The following NMD3 variants were observed in gnomAD, a reference collection of about 807,000 sequenced individuals.
The protein encoded by NMD3 is 60S ribosomal export protein NMD3.
A neutral mutation model predicts 73.1 loss-of-function variants in NMD3; 47 were observed. The ratio of observed to expected loss-of-function variants is 0.64; its 90% CI spans 0.51 to 0.82. The LOEUF is 0.82. NMD3 is among the 40% of genes least tolerant of loss of function. NMD3 has a pLI of 0.00. For missense variants in NMD3, 554 were observed against 612.5 expected, an observed-to-expected ratio of 0.90 and a Z score of 1.01; for synonymous variants, 210 against 194.5, an observed-to-expected ratio of 1.08 and a Z score of -0.66.
At chr3:161,248,903 T>C (rs1050628639) in intron 13 of NMD3, among the ~76,000 whole-genome samples, 1 of 152,188 alleles carries the variant, frequency 6.6e-6, no homozygotes, top group Non-Finnish European at 1.5e-5. Context: ...AAATTAGGAA[T>C]TAACAGCGTG....
intron 8 of NMD3, 124 bp downstream of exon 8, chr3:161,238,315 C>A: frequency 1.4e-6 from 1 of 690,192 alleles, no homozygotes; most frequent in Non-Finnish European, 2.5e-6. Flanking sequence ...CTTACACAAT[C>A]AGGAAGCATA....
chr3:161,242,685 T>C, intron 11 of NMD3, 32 bp downstream of exon 11: 1 of 1,591,192 alleles, frequency 6.3e-7, no homozygotes, highest in Non-Finnish European at 8.6e-7. Context: ...AGTGTATTTT[T>C]TTTTCCCCTC....
At chr3:161,221,926 A>G in intron 1 of NMD3, 68 bp from the exon 2 acceptor site, 2 of 975,188 alleles carry the variant, frequency 2.1e-6, no homozygotes, top group Non-Finnish European at 1.5e-6. Flanking sequence ...AAAAGAGGAG[A>G]CTAGGTAAAG....
At chr3:161,242,411 TC>T in intron 10 of NMD3, 96 bp from the exon 11 acceptor site, 1 of 1,139,146 alleles carries the variant, frequency 8.8e-7, no homozygotes, top group South Asian at 1.5e-5. Flanking sequence ...ACCTGCCACT[TC>T]CCAGTTGGTA....
At position 161,246,377 on chromosome 3, in the gene NMD3, G is replaced by C. The variant is rs1737204545; in HGVS notation, c.1059G>C (p.Met353Ile). The C allele has an allele frequency of 9.9e-6, 15 of 1,517,172 alleles. No homozygotes were observed. The East Asian group carries it at 3.2e-4, about 32-fold the overall frequency. The allele number at this position is 1,517,172 out of a possible 1,614,324, so 94.0% of individuals were successfully genotyped here. The change falls in exon 12 of 16, where the codon ATG becomes ATC. Residue 353 changes from methionine to isoleucine, a missense_variant. Met to Ile is a conservative substitution (Grantham distance 10). Transcript: ENST00000351193. Reference sequence around the variant, plus strand: ...TCTGGGTACAGAAGACATCTGAAATGAATACAGATAAACAGTATTTTTGTC... The same window carrying C: ...TCTGGGTACAGAAGACATCTGAAATCAATACAGATAAACAGTATTTTTGTC... Reference protein sequence around the residue: ...GEVWVQKTSEMNTDKQYFCRT... With the variant: ...GEVWVQKTSEINTDKQYFCRT...
At chr3:161,249,640 G>A in intron 14 of NMD3, 80 bp downstream of exon 14, 1 of 871,544 alleles carries the variant, frequency 1.1e-6, no homozygotes, top group South Asian at 1.4e-5. Context: ...TAAAGAAATA[G>A]GCATCACACA....
Position 161,246,439 on chromosome 3 carries a change from TG to T in NMD3, c.1123del (p.Val375CysfsTer2). The T allele has an allele frequency of 6.9e-7, 1 of 1,440,238 alleles. No individual in the cohort carries two copies. Among genetic ancestry groups the T allele is most frequent in the Non-Finnish European group, 9.6e-7 (1 of 1,042,900 alleles). The allele number at this position is 1,440,238 out of a possible 1,614,324, so 89.2% of individuals were successfully genotyped here. A position where few individuals can be genotyped will look rare whatever the true frequency, so the allele number is the denominator to read the frequency against. Reference sequence around the variant, plus strand: ...GGACATCTTCTAAATCCCGGAGACCTGGTGTTAGGGTTTGTATTATTTCATA... The same window carrying T: ...GGACATCTTCTAAATCCCGGAGACCTGTGTTAGGGTTTGTATTATTTCATA... ...HLGHLLNPGDLVLGFDLANCN... is the reference protein window; with the variant it reads ...HLGHLLNPGDXVLGFDLANCN... On this transcript the variant is annotated frameshift_variant, in exon 12 of 16. Transcript: ENST00000351193. LOFTEE classifies it high-confidence loss of function.
chr3:161,221,952 C>CATCCCAAT lies in NMD3; in HGVS notation c.-20-40_-20-39insCCCAATAT, dbSNP rs1261013452. On this transcript the variant is annotated intron_variant, in intron 1 of 15. Transcript: ENST00000351193. ...CTAGGTAAAGTGATTTAAATCCCAACATTCTCTTTTTTTTTTTTTTTTTTT... is the reference window on the plus strand; with the variant it reads ...CTAGGTAAAGTGATTTAAATCCCAACATCCCAATATTCTCTTTTTTTTTTTTTTTTTTT... 34 of 1,097,518 alleles carry CATCCCAAT rather than the reference C, an allele frequency of 3.1e-5. 1 individual carries two copies. The highest frequency in any genetic ancestry group is 4.3e-5 in the Non-Finnish European group (34 of 786,942). The allele number at this position is 1,097,518 out of a possible 1,614,324, so 68.0% of individuals were successfully genotyped here. A position where few individuals can be genotyped will look rare whatever the true frequency, so the allele number is the denominator to read the frequency against.
At chr3:161,244,335 C>T (rs539743736) in intron 11 of NMD3, among the ~76,000 whole-genome samples, 1 of 152,290 alleles carries the variant, frequency 6.6e-6, no homozygotes, top group South Asian at 2.1e-4. Flanking sequence ...CTCCATGTTA[C>T]TCAGGCTGGT....
chr3:161,243,413 G>T (rs911791250), intron 11 of NMD3, among the ~76,000 whole-genome samples: 1 of 152,118 alleles, frequency 6.6e-6, no homozygotes, highest in African/African-American at 2.4e-5. Context: ...CTATGGATAA[G>T]GGGGGGATTA....
chr3:161,222,280 T>A (rs894315899), intron 2 of NMD3, among the ~76,000 whole-genome samples: 12 of 152,128 alleles, frequency 7.9e-5, no homozygotes, highest in Non-Finnish European at 1.3e-4. Flanking sequence ...TTACCATACA[T>A]CCTTTTAGAT....
intron 7 of NMD3, 87 bp downstream of exon 7, chr3:161,235,299 G>A: frequency 3.4e-6 from 2 of 587,454 alleles, no homozygotes; most frequent in South Asian, 5.6e-5. Flanking sequence ...GATAATATCT[G>A]GATTAGTACT....
chr3:161,224,108 A>T (rs1183873075), intron 2 of NMD3, among the ~76,000 whole-genome samples: 3 of 152,228 alleles, frequency 2.0e-5, no homozygotes, highest in African/African-American at 7.2e-5. Context: ...CAAGATTTGT[A>T]TTCTTCATCA....
At chr3:161,226,705 T>C (rs1394459623) in intron 3 of NMD3, among the ~76,000 whole-genome samples, 2 of 152,208 alleles carry the variant, frequency 1.3e-5, no homozygotes, top group Non-Finnish European at 2.9e-5. Flanking sequence ...AAAGCACATA[T>C]GTAAGAGATT....
chr3:161,234,713 A>T lies in NMD3; in HGVS notation c.358-14A>T, dbSNP rs779832974. ...CAAAACCAAAAGAATGAAGGAGTGTAATTGTTTTATCAGGTGATGAATGGT... is the reference window on the plus strand; with the variant it reads ...CAAAACCAAAAGAATGAAGGAGTGTTATTGTTTTATCAGGTGATGAATGGT... On this transcript the variant is annotated splice_polypyrimidine_tract_variant and intron_variant, in intron 5 of 15. Coordinates refer to ENST00000351193, the MANE Select transcript of NMD3 (RefSeq NM_015938.5). 6.3e-7 allele frequency: 1 copy of T among 1,594,804 alleles called. No homozygotes were observed. The highest frequency in any genetic ancestry group is 1.1e-5 in the South Asian group (1 of 87,218).
intron 11 of NMD3, among the ~76,000 whole-genome samples, chr3:161,245,389 A>G (rs1421532590): frequency 6.6e-6 from 1 of 152,028 alleles, no homozygotes; most frequent in African/African-American, 2.4e-5. Flanking sequence ...AGAGGTTAAT[A>G]AATTTCTTAC....
chr3:161,247,145 T>G (rs1005346943), intron 12 of NMD3, 113 bp from the exon 13 acceptor site: 6 of 636,640 alleles, frequency 9.4e-6, no homozygotes, highest in Non-Finnish European at 1.4e-5. Context: ...ACTTTTAAAG[T>G]GAGAAGCATA....
intron 4 of NMD3, among the ~76,000 whole-genome samples, chr3:161,231,335 G>A (rs1736538983): frequency 6.6e-6 from 1 of 152,126 alleles, no homozygotes; most frequent in Non-Finnish European, 1.5e-5. Context: ...TGATAGTTTG[G>A]AGGGTTTGCA....
downstream of NMD3, chr3:161,252,859 G>A (rs1229760061): frequency 7.3e-6 from 5 of 688,826 alleles, no homozygotes; most frequent in Admixed American, 8.3e-5. Context: ...AGCACTTTGG[G>A]AGGCTGAGGA....
Sources: allele counts gnomAD v4.1 joint callset (sites outside exome capture counted in the v4.1 genomes callset), GRCh38; gene constraint gnomAD v4.1.1; transcripts MANE v1.5; gene names NCBI Gene and HGNC (gene_info 2026-07-23, HGNC 2026-07-21).